ZNF112: variants seen among roughly 807,000 people sequenced by gnomAD.
ZNF112 encodes the protein zinc finger protein 112 (Y14).
In ZNF112, 37 loss-of-function variants were observed where a neutral mutation model predicts 77.7. That is an observed-to-expected ratio of 0.48 (90% CI 0.37 to 0.63). ZNF112 has a LOEUF of 0.63. ZNF112 is among the 20% of genes least tolerant of loss of function. The pLI is 0.00. For synonymous variants in ZNF112, 333 were observed against 363.6 expected (o/e 0.92, Z 0.96); for missense variants, 950 against 1,077.4 (o/e 0.88, Z 1.66).
At position 44,336,017 on chromosome 19, in the gene ZNF112, G is replaced by C. The variant is rs112194264; in HGVS notation, c.220+606C>G. Among the ~76,000 whole-genome samples, 66 of 152,300 alleles carry C rather than the reference G, an allele frequency of 4.3e-4. 1 individual carries two copies. Among genetic ancestry groups the C allele is most frequent in the African/African-American group, 1.5e-3 (63 of 41,568 alleles). On this transcript the variant is annotated intron_variant, in intron 3 of 3. Coordinates refer to ENST00000354340, the MANE Select transcript of ZNF112 (RefSeq NM_013380.4). ...GACAGAATGGGAGGATAAGAAGATG[G>C]ACATATGAATACAAGGGTGTCTCAC... is the stretch of plus-strand genomic sequence containing the variant.
At chr19:44,357,890 G>A (rs1970810734), upstream of ZNF112, among the ~76,000 whole-genome samples, 1 of 152,146 alleles carries the variant, frequency 6.6e-6, no homozygotes, top group Non-Finnish European at 1.5e-5. Context: ...AGAAAAGGAA[G>A]AGGAAAATAA....
In ZNF112 at chr19:44,329,242, A is replaced by G. The variant is rs755996391; in HGVS notation, c.915T>C (p.Asp305=). The G allele has an allele frequency of 6.2e-7, 1 of 1,613,896 alleles. No homozygotes were observed. The highest frequency in any genetic ancestry group is 1.7e-5 in the Admixed American group (1 of 59,976). Residue 305 remains aspartate, a synonymous_variant, in exon 4 of 4, where the codon GAT becomes GAC. Transcript: ENST00000354340. The part of the protein sequence containing the change: ...LHIHQNIERE[D]DIENSHLKSY... ...ATTTCAGATGTGAATTCTCAATATC[A>G]TCTTCTCTCTCAATATTTTGATGAA...
At chr19:44,366,635 C>A (rs1173169632) in intron 1 of ZNF112, among the ~76,000 whole-genome samples, 1 of 151,604 alleles carries the variant, frequency 6.6e-6, no homozygotes, top group Non-Finnish European at 1.5e-5. Context: ...GGAGTGATTC[C>A]CGCCCCATTC....
intron 1 of ZNF112, among the ~76,000 whole-genome samples, chr19:44,366,815 T>C (rs180893436): frequency 1.3e-5 from 2 of 152,160 alleles, no homozygotes; most frequent in African/African-American, 4.8e-5. Flanking sequence ...AAAAAATTAA[T>C]AAAATGAACC....
intron 3 of ZNF112, among the ~76,000 whole-genome samples, chr19:44,335,013 C>T (rs2722726): frequency 0.72 from 109,344 of 152,184 alleles, 39,441 homozygotes; most frequent in Admixed American, 0.78. Context: ...GCTTCCACCA[C>T]GTGCCTGGAA....
chr19:44,366,107 T>C (rs1970901458), intron 1 of ZNF112, among the ~76,000 whole-genome samples: 1 of 152,168 alleles, frequency 6.6e-6, no homozygotes, highest in Non-Finnish European at 1.5e-5. Flanking sequence ...CCCAGCACTT[T>C]GGGAGACAGA....
chr19:44,339,894 A>G (rs1374211536), intron 2 of ZNF112, among the ~76,000 whole-genome samples: 2 of 152,180 alleles, frequency 1.3e-5, no homozygotes, highest in East Asian at 3.8e-4. Context: ...CAAGTCGTTC[A>G]GAAAAAGATA....
chr19:44,337,273 TTA>T (rs1161223485), intron 2 of ZNF112, among the ~76,000 whole-genome samples: 1 of 137,328 alleles, frequency 7.3e-6, no homozygotes, highest in African/African-American at 2.7e-5. Context: ...TTTATATATA[TTA>T]TATATATTTC....
chr19:44,343,048 T>G (rs1568669882), intron 1 of ZNF112, among the ~76,000 whole-genome samples: 1 of 152,146 alleles, frequency 6.6e-6, no homozygotes, highest in African/African-American at 2.4e-5. Context: ...TTTGTACTAT[T>G]ATTTATGAAA....
At chr19:44,354,059 T>C (rs1017302098) in intron 1 of ZNF112, among the ~76,000 whole-genome samples, 6 of 152,188 alleles carry the variant, frequency 3.9e-5, no homozygotes, top group Non-Finnish European at 5.9e-5. Flanking sequence ...TTGATACGTA[T>C]AACAACTTTG....
At chr19:44,362,016 C>T (rs568346032) in intron 1 of ZNF112, among the ~76,000 whole-genome samples, 4 of 152,114 alleles carry the variant, frequency 2.6e-5, no homozygotes, top group African/African-American at 9.6e-5. Context: ...TGGCATAGAA[C>T]TTTTTCAGAA....
At chr19:44,340,280 T>G in intron 2 of ZNF112, 136 bp downstream of exon 2, 1 of 1,180,144 alleles carries the variant, frequency 8.5e-7, no homozygotes, top group Non-Finnish European at 1.2e-6. Context: ...CTTGTCTGTG[T>G]TGCACGGGGA....
chr19:44,327,941 C>T lies in ZNF112; in HGVS notation c.2216G>A (p.Arg739Lys), dbSNP rs1970163100. Residue 739 changes from arginine to lysine, a missense_variant, in exon 4 of 4, where the codon AGA becomes AAA. Physicochemically the swap from Arg to Lys is conservative, Grantham distance 26. Coordinates refer to ENST00000354340, the MANE Select transcript of ZNF112 (RefSeq NM_013380.4). ...CATCTCACATTTATACGGTTTCACT[C>T]TAGTGTGGACTCTCTGATGACCTTG... ...YLQGHQRVHT[R>K]VKPYKCEMCG... 6.2e-7 allele frequency: 1 copy of T among 1,613,782 alleles called. No individual in the cohort carries two copies. The highest frequency in any genetic ancestry group is 1.1e-5 in the South Asian group (1 of 91,084).
chr19:44,336,409 T>C (rs567743791), intron 3 of ZNF112, among the ~76,000 whole-genome samples: 1 of 152,270 alleles, frequency 6.6e-6, no homozygotes, highest in East Asian at 1.9e-4. Flanking sequence ...ACAGACTGAA[T>C]GAGCAAAAAC....
Position 44,329,882 on chromosome 19 carries a change from A to G in ZNF112, c.275T>C (p.Phe92Ser). 1 of 1,613,982 alleles carries G rather than the reference A, an allele frequency of 6.2e-7. No individual in the cohort carries two copies. The highest frequency in any genetic ancestry group is 1.1e-5 in the South Asian group (1 of 91,076). Residue 92 changes from phenylalanine to serine, a missense_variant, in exon 4 of 4, where the codon TTT becomes TCT. Around this residue, in one of 3 missense-constraint regions of ZNF112, gnomAD observed 560 missense variants for 557.3 expected, o/e 1.00. Transcript: ENST00000354340. ...ESIQEVTVSYFSPKELSSRQT... is the reference protein window; with the variant it reads ...ESIQEVTVSYSSPKELSSRQT... ...ACGGGAGGAAAGCTCTTTGGGGGAA[A>G]AGTAGCTTACTGTTACTTCCTGAAT...
At chr19:44,352,079 T>C (rs1568675769) in intron 1 of ZNF112, among the ~76,000 whole-genome samples, 1 of 151,454 alleles carries the variant, frequency 6.6e-6, no homozygotes, top group African/African-American at 2.4e-5. Context: ...GGGTTAAGAG[T>C]TGGGGAAGAG....
chr19:44,365,468 TTA>T (rs200896760), intron 1 of ZNF112, among the ~76,000 whole-genome samples: 25 of 106,236 alleles, frequency 2.4e-4, no homozygotes, highest in Admixed American at 1.5e-3. Flanking sequence ...TCAAAAAAAA[TTA>T]TATATATATA....
chr19:44,332,257 C>T (rs966759680), intron 3 of ZNF112, among the ~76,000 whole-genome samples: 7 of 152,090 alleles, frequency 4.6e-5, no homozygotes, highest in Non-Finnish European at 1.0e-4. Flanking sequence ...CCTACCCTAT[C>T]CCAACTTTTA....
upstream of ZNF112, among the ~76,000 whole-genome samples, chr19:44,356,998 A>G (rs1282182262): frequency 6.6e-6 from 1 of 152,140 alleles, no homozygotes; most frequent in Non-Finnish European, 1.5e-5. Context: ...CCGTGCATGA[A>G]AGGCGCCTTT....
Sources: gnomAD v4.1 joint callset for allele counts (sites outside exome capture counted in the v4.1 genomes callset) on GRCh38, gnomAD v4.1.1 for gene constraint, gnomAD v4.1.1 regional missense constraint, MANE v1.5 for transcripts, NCBI Gene and HGNC (gene_info 2026-07-23, HGNC 2026-07-21) for gene names.